The following SCFD2 variants were observed in gnomAD, a reference collection of about 807,000 sequenced individuals.
SCFD2 encodes the protein sec1 family domain-containing protein 2.
Under a neutral mutation model 58.9 loss-of-function variants are expected in SCFD2, and 54 were observed. That is an observed-to-expected ratio of 0.92 (90% CI 0.74 to 1.15). The LOEUF is 1.15. Among genes scored for constraint, SCFD2 ranks in the 50% most tolerant of loss-of-function variants. The pLI is 0.00. For synonymous variants in SCFD2, 321 were observed against 335.9 expected, an observed-to-expected ratio of 0.96 and a Z score of 0.49; for missense variants, 805 against 836.6, an observed-to-expected ratio of 0.96 and a Z score of 0.47.
intron 1 of SCFD2, among the ~76,000 whole-genome samples, chr4:53,361,427 C>T (rs556994115): frequency 2.6e-5 from 4 of 152,220 alleles, no homozygotes; most frequent in African/African-American, 7.2e-5. Context: ...GACAAGGTCT[C>T]GCTCTGTCAC....
At chr4:53,181,990 A>C (rs185339261) in intron 4 of SCFD2, among the ~76,000 whole-genome samples, 2,433 of 152,332 alleles carry the variant, frequency 0.016, 70 homozygotes, top group African/African-American at 0.056. Context: ...CCACTGCTCA[A>C]GGAAATAAAA....
At chr4:52,953,341 T>C (rs1720642879) in intron 5 of SCFD2, among the ~76,000 whole-genome samples, 1 of 152,226 alleles carries the variant, frequency 6.6e-6, no homozygotes, top group South Asian at 2.1e-4. Context: ...TGACTGTGAT[T>C]TGGACTAACA....
intron 4 of SCFD2, among the ~76,000 whole-genome samples, chr4:53,205,035 G>C (rs1049427328): frequency 4.6e-5 from 7 of 151,756 alleles, no homozygotes; most frequent in African/African-American, 1.7e-4. Context: ...TGTCCTTTTT[G>C]TCTGGAAATT....
chr4:53,085,012 A>G lies in SCFD2; in HGVS notation c.1561+60321T>C, dbSNP rs189919160. Among the ~76,000 whole-genome samples the G allele has an allele frequency of 3.7e-3, 557 of 152,342 alleles. 2 individuals carry two copies. The highest frequency in any genetic ancestry group is 6.5e-3 in the Non-Finnish European group (440 of 68,024). On this transcript the variant is annotated intron_variant, in intron 5 of 8. Coordinates refer to ENST00000401642, the MANE Select transcript of SCFD2 (RefSeq NM_152540.4). ...TATCCACTTTCACCACTGTTATTCA[A>G]CATAGTATTGGAAGTCCTTGCTAGA...
chr4:53,173,695 T>C (rs1727245368), intron 4 of SCFD2, among the ~76,000 whole-genome samples: 1 of 152,212 alleles, frequency 6.6e-6, no homozygotes, highest in Non-Finnish European at 1.5e-5. Context: ...TTGTGGTTTA[T>C]AGTTTCCTCT....
chr4:53,261,760 G>C (rs545661542), intron 4 of SCFD2, among the ~76,000 whole-genome samples: 30 of 152,104 alleles, frequency 2.0e-4, no homozygotes, highest in Non-Finnish European at 3.2e-4. Flanking sequence ...AACAATTTAA[G>C]TCCATTGTTT....
chr4:53,155,666 T>C (rs1233272119), intron 4 of SCFD2, among the ~76,000 whole-genome samples: 2 of 152,120 alleles, frequency 1.3e-5, no homozygotes, highest in African/African-American at 2.4e-5. Context: ...AGGGATGTGA[T>C]AGAGAAGAAA....
intron 5 of SCFD2, among the ~76,000 whole-genome samples, chr4:52,966,874 C>G (rs1050311018): frequency 1.3e-5 from 2 of 152,092 alleles, no homozygotes; most frequent in Non-Finnish European, 2.9e-5. Context: ...ACCATTGTAG[C>G]CATTTTAAGT....
chr4:53,335,258 T>A (rs181105722), intron 2 of SCFD2, among the ~76,000 whole-genome samples: 5 of 150,328 alleles, frequency 3.3e-5, no homozygotes, highest in Admixed American at 3.3e-4. Context: ...ATCACTTCTG[T>A]GATATTCCTG....
At chr4:53,209,614 CAG>C (rs1728542490) in intron 4 of SCFD2, among the ~76,000 whole-genome samples, 1 of 152,024 alleles carries the variant, frequency 6.6e-6, no homozygotes. Context: ...AAAAGCCACT[CAG>C]GGAATACCAA....
intron 5 of SCFD2, among the ~76,000 whole-genome samples, chr4:53,003,106 G>A (rs13434989): frequency 0.31 from 46,815 of 152,072 alleles, 7,855 homozygotes; most frequent in Admixed American, 0.43. Context: ...CCACCAACAC[G>A]GGATTACAAT....
chr4:53,123,159 T>C (rs1725529809), intron 5 of SCFD2, among the ~76,000 whole-genome samples: 1 of 152,204 alleles, frequency 6.6e-6, no homozygotes, highest in East Asian at 1.9e-4. Flanking sequence ...TTCATTTTCA[T>C]TTCTTCTATT....
chr4:53,212,734 T>TAGA lies in SCFD2; in HGVS notation c.1311+61091_1311+61092insTCT, dbSNP rs879668878. On this transcript the variant is annotated intron_variant, in intron 4 of 8. Coordinates refer to ENST00000401642, the MANE Select transcript of SCFD2 (RefSeq NM_152540.4). ...AAATTTTAGAGTAGTTGTTTTTCTA[T>TAGA]AATTGTTATATGGGATCATTTTTTC... is the stretch of plus-strand genomic sequence containing the variant. 4.4e-3 allele frequency among the ~76,000 whole-genome samples: 665 copies of TAGA among 152,146 alleles called. 4 individuals carry two copies. The highest frequency in any genetic ancestry group is 0.027 in the Middle Eastern group (8 of 294).
At chr4:53,064,456 G>A (rs1723600849) in intron 5 of SCFD2, among the ~76,000 whole-genome samples, 1 of 152,038 alleles carries the variant, frequency 6.6e-6, no homozygotes, top group Non-Finnish European at 1.5e-5. Context: ...TATTACTTGG[G>A]TAACTGTCCT....
intron 5 of SCFD2, among the ~76,000 whole-genome samples, chr4:52,968,617 A>G (rs1305726057): frequency 2.6e-5 from 4 of 152,342 alleles, no homozygotes; most frequent in African/African-American, 9.6e-5. Context: ...GTTGTCAAGA[A>G]CCTAGCCACA....
intron 4 of SCFD2, among the ~76,000 whole-genome samples, chr4:53,222,276 C>T (rs1373896115): frequency 2.6e-5 from 4 of 152,298 alleles, no homozygotes; most frequent in South Asian, 2.1e-4. Context: ...TTTTGAAACA[C>T]GGAATCCTGG....
chr4:53,029,815 G>A (rs1055648432), intron 5 of SCFD2, among the ~76,000 whole-genome samples: 3 of 152,218 alleles, frequency 2.0e-5, no homozygotes, highest in South Asian at 2.1e-4. Flanking sequence ...GTACCTTATA[G>A]GAAAATTAAT....
intron 4 of SCFD2, among the ~76,000 whole-genome samples, chr4:53,250,922 C>A (rs944620094): frequency 6.6e-6 from 1 of 151,998 alleles, no homozygotes; most frequent in African/African-American, 2.4e-5. Context: ...AATAGAGACA[C>A]AAAAAACCCT....
intron 5 of SCFD2, among the ~76,000 whole-genome samples, chr4:53,128,512 A>C (rs1263393480): frequency 6.6e-6 from 1 of 152,152 alleles, no homozygotes; most frequent in Non-Finnish European, 1.5e-5. Flanking sequence ...CAGCCTCCCA[A>C]GGTGACCAGT....
Sources: allele counts gnomAD v4.1 joint callset (sites outside exome capture counted in the v4.1 genomes callset), GRCh38; gene constraint gnomAD v4.1.1; transcripts MANE v1.5; gene names NCBI Gene and HGNC (gene_info 2026-07-23, HGNC 2026-07-21).